The following PCBP3 variants were observed in gnomAD, a reference collection of about 807,000 sequenced individuals.
The protein encoded by PCBP3 is poly(rC) binding protein 3, also known as poly(rC)-binding protein 3.
In PCBP3, 25 loss-of-function variants were observed where a neutral mutation model predicts 52.7. That is an observed-to-expected ratio of 0.47 (90% confidence interval 0.35 to 0.66). The LOEUF (loss-of-function observed/expected upper bound fraction) is 0.66. Ranked by LOEUF, PCBP3 falls within the 30% of genes least tolerant of loss-of-function variation. PCBP3 has a pLI of 0.01. For missense variants in PCBP3, 391 were observed against 490.3 expected (o/e 0.80, Z 1.91); for synonymous variants, 162 against 183.0 (o/e 0.89, Z 0.93).
chr21:45,659,052 C>G (rs775423815), intron 1 of PCBP3, among the ~76,000 whole-genome samples: 24 of 147,268 alleles, frequency 1.6e-4, no homozygotes, highest in Admixed American at 1.4e-3. Context: ...CTTGGTCATT[C>G]TAGATAAAAG....
At chr21:45,803,439 C>A (rs1374517535) in intron 4 of PCBP3, among the ~76,000 whole-genome samples, 6 of 152,136 alleles carry the variant, frequency 3.9e-5, no homozygotes, top group Non-Finnish European at 7.4e-5. Context: ...GAAAGGAGGG[C>A]GAGAGCAGAG....
intron 1 of PCBP3, among the ~76,000 whole-genome samples, chr21:45,660,108 C>G (rs906410646): frequency 6.6e-6 from 1 of 151,520 alleles, no homozygotes; most frequent in East Asian, 1.9e-4. Flanking sequence ...TTTTTTGTTT[C>G]ATGCATTCTG....
At chr21:45,826,009 C>T (rs1030584766) in intron 4 of PCBP3, among the ~76,000 whole-genome samples, 5 of 152,174 alleles carry the variant, frequency 3.3e-5, no homozygotes, top group East Asian at 1.9e-4. Flanking sequence ...CAGTGGCTCA[C>T]GCCTGTAATC....
rs771797178 is a variant in PCBP3, at chr21:45,741,456, G to A, written c.-162+6027G>A. Among the ~76,000 whole-genome samples, 42 of 152,088 alleles carry A rather than the reference G, an allele frequency of 2.8e-4. No individual in the cohort carries two copies. The highest frequency in any genetic ancestry group is 2.6e-4 in the Non-Finnish European group (18 of 68,016). On this transcript the variant is annotated intron_variant, in intron 3 of 17. Transcript: ENST00000681687. The surrounding 1 kb of genome is among the most constrained non-coding windows in gnomAD (Gnocchi z 4.5). ...AGTCAGTGCTCATCTTTTATAGCAG[G>A]AAGCTAACAGCTGATACATAAAGTT... is the stretch of plus-strand genomic sequence containing the variant.
chr21:45,932,205 C>T (rs535341849), intron 15 of PCBP3, among the ~76,000 whole-genome samples: 2 of 148,504 alleles, frequency 1.3e-5, no homozygotes, highest in South Asian at 4.3e-4. Flanking sequence ...ATGAACACAT[C>T]GGCCATGCTG....
At position 45,910,926 on chromosome 21, in the gene PCBP3, G is replaced by A. The variant is rs780639971; in HGVS notation, c.496G>A (p.Ala166Thr). The A allele has an allele frequency of 6.2e-7, 1 of 1,609,904 alleles. No individual in the cohort carries two copies. The highest frequency in any genetic ancestry group is 8.5e-7 in the Non-Finnish European group (1 of 1,179,258). The change falls in exon 11 of 18, where the codon GCT becomes ACT. Residue 166 changes from alanine (A) to threonine (T), a missense_variant. Transcript: ENST00000681687. The stretch of plus-strand genomic sequence containing the variant: ...GTCCACAGGTGCCCAGGTGCAGGTG[G>A]CTGGGGACATGCTGCCCAACTCCAC... ...RESTGAQVQV[A>T]GDMLPNSTER...
intron 4 of PCBP3, among the ~76,000 whole-genome samples, chr21:45,796,784 A>T (rs1330017017): frequency 6.6e-6 from 1 of 152,134 alleles, no homozygotes; most frequent in Non-Finnish European, 1.5e-5. Context: ...GATGTTATTT[A>T]GTTTCTTATT....
At chr21:45,932,621 C>T (rs384068) in intron 15 of PCBP3, among the ~76,000 whole-genome samples, 50,467 of 148,754 alleles carry the variant, frequency 0.34, 8,751 homozygotes, top group African/African-American at 0.39. Context: ...ATGAACACGT[C>T]GGCCGTGCCG....
chr21:45,840,864 C>T (rs1156980065), intron 4 of PCBP3, among the ~76,000 whole-genome samples: 3 of 152,224 alleles, frequency 2.0e-5, no homozygotes, highest in Admixed American at 6.5e-5. Context: ...ATCCTCCTGC[C>T]TCAGCTTTCC....
intron 15 of PCBP3, among the ~76,000 whole-genome samples, chr21:45,933,908 G>A (rs2149538781): frequency 6.6e-6 from 1 of 152,246 alleles, no homozygotes; most frequent in African/African-American, 2.4e-5. Flanking sequence ...GGGACGGGGG[G>A]CAGGGCAGAG....
Position 45,917,624 on chromosome 21 carries a change from C to G in PCBP3, c.712C>G (p.Pro238Ala). 6.2e-7 allele frequency: 1 copy of G among 1,612,346 alleles called. No individual in the cohort carries two copies. Among genetic ancestry groups the G allele is most frequent in the Middle Eastern group, 1.7e-4 (1 of 6,058 alleles). The change falls in exon 13 of 18, where the codon CCG becomes GCG. Residue 238 changes from proline (P) to alanine (A), a missense_variant. By Grantham distance (27) the Pro-to-Ala change is conservative. Transcript: ENST00000681687. This position sits in a 1 kb window ranked among gnomAD's most constrained non-coding sequence, Gnocchi z 5.3. ...CCAGGGACAGTATGCCATCCCTCACCCGGATGTGAGTCTTCACTTTGTCTT... is the reference window on the plus strand; with the variant it reads ...CCAGGGACAGTATGCCATCCCTCACGCGGATGTGAGTCTTCACTTTGTCTT... ...TIQGQYAIPH[P>A]DQLTKLHQLA...
At chr21:45,883,955 T>A (rs1334284771) in intron 5 of PCBP3, among the ~76,000 whole-genome samples, 1 of 152,228 alleles carries the variant, frequency 6.6e-6, no homozygotes, top group Admixed American at 6.5e-5. Context: ...TTATTTATTT[T>A]GAGATAGGGC....
chr21:45,836,574 A>G (rs1229039966), intron 4 of PCBP3, among the ~76,000 whole-genome samples: 1 of 151,526 alleles, frequency 6.6e-6, no homozygotes, highest in African/African-American at 2.4e-5. Flanking sequence ...ATGTTGTGAC[A>G]TGAGAATTAG....
chr21:45,670,860 C>G (rs1268702711), intron 2 of PCBP3, among the ~76,000 whole-genome samples: 1 of 152,180 alleles, frequency 6.6e-6, no homozygotes, highest in Non-Finnish European at 1.5e-5. Flanking sequence ...CATCAGTGAT[C>G]AGGTTTCCTC....
chr21:45,705,825 T>C (rs865789719), intron 2 of PCBP3, among the ~76,000 whole-genome samples: 1 of 152,222 alleles, frequency 6.6e-6, no homozygotes, highest in South Asian at 2.1e-4. Flanking sequence ...CATGGCTTAC[T>C]GACCCCTGCT....
chr21:45,690,331 A>G (rs1210472812), intron 2 of PCBP3, among the ~76,000 whole-genome samples: 1 of 152,176 alleles, frequency 6.6e-6, no homozygotes, highest in Non-Finnish European at 1.5e-5. Flanking sequence ...ATTAACCTGA[A>G]TATAAAAGCT....
At chr21:45,909,754 A>G in intron 10 of PCBP3, among the ~76,000 whole-genome samples, 1 of 104,906 alleles carries the variant, frequency 9.5e-6, no homozygotes, top group Non-Finnish European at 1.9e-5. Context: ...CCCACTGCCC[A>G]GATACGGACC....
chr21:45,803,801 CG>C (rs952721075), intron 4 of PCBP3, among the ~76,000 whole-genome samples: 2 of 152,200 alleles, frequency 1.3e-5, no homozygotes, highest in African/African-American at 4.8e-5. Context: ...ATGGCTTCCC[CG>C]TGGCCTCGCT....
At chr21:45,713,268 G>A (rs566231814) in intron 2 of PCBP3, among the ~76,000 whole-genome samples, 4 of 152,106 alleles carry the variant, frequency 2.6e-5, no homozygotes, top group Non-Finnish European at 5.9e-5. Context: ...CCTTGGCCTC[G>A]CATTCCAGAT....
Sources: allele counts gnomAD v4.1 joint callset (sites outside exome capture counted in the v4.1 genomes callset), GRCh38; gene constraint gnomAD v4.1.1; non-coding constraint Gnocchi (gnomAD v3.1); transcripts MANE v1.5; gene names NCBI Gene and HGNC (gene_info 2026-07-23, HGNC 2026-07-21).